Variants in CDH18 observed in about 807,000 individuals in gnomAD.
CDH18 encodes cadherin 18, also known as cadherin-18.
A neutral mutation model predicts 67.9 loss-of-function variants in CDH18; 31 were observed. The observed-to-expected ratio is 0.46, with a 90% confidence interval of 0.34 to 0.62. The LOEUF (loss-of-function observed/expected upper bound fraction) is 0.62. CDH18 is among the 20% of genes least tolerant of loss of function. CDH18 has a pLI of 0.01. For missense variants in CDH18, 890 were observed against 975.5 expected, an observed-to-expected ratio of 0.91 and a Z score of 1.17; for synonymous variants, 362 against 347.2, an observed-to-expected ratio of 1.04 and a Z score of -0.48.
intron 7 of CDH18, among the ~76,000 whole-genome samples, chr5:19,572,665 G>T (rs72737472): frequency 6.6e-6 from 1 of 152,170 alleles, no homozygotes; most frequent in Non-Finnish European, 1.5e-5. Context: ...TCTCTCCCTT[G>T]TCTCTTCTTA....
chr5:19,621,929 C>T (rs373135354), intron 5 of CDH18, among the ~76,000 whole-genome samples: 13 of 152,208 alleles, frequency 8.5e-5, no homozygotes, highest in African/African-American at 2.7e-4. Flanking sequence ...TCACATCCTT[C>T]TGCTTTCCAG....
intron 1 of CDH18, among the ~76,000 whole-genome samples, chr5:20,353,911 AT>A (rs1462115117): frequency 1.3e-5 from 2 of 152,162 alleles, no homozygotes; most frequent in East Asian, 3.9e-4. Context: ...CTTGCCCACC[AT>A]GATTAGAACT....
At chr5:19,784,220 A>G (rs1775451889) in intron 3 of CDH18, among the ~76,000 whole-genome samples, 1 of 152,172 alleles carries the variant, frequency 6.6e-6, no homozygotes, top group South Asian at 2.1e-4. Flanking sequence ...AAGAAGAGGG[A>G]AAAATTCAAA....
chr5:19,537,340 A>T (rs897910709), intron 9 of CDH18, among the ~76,000 whole-genome samples: 3 of 152,036 alleles, frequency 2.0e-5, no homozygotes, highest in African/African-American at 7.2e-5. Context: ...ATGTGAGCCA[A>T]TTTTTTATAA....
chr5:20,084,988 T>C (rs776484210), intron 2 of CDH18, among the ~76,000 whole-genome samples: 29 of 152,322 alleles, frequency 1.9e-4, no homozygotes, highest in Admixed American at 1.9e-3. Context: ...TTAATGTTTG[T>C]CTCCTCATTA....
At chr5:19,978,204 A>G (rs28668352) in intron 2 of CDH18, among the ~76,000 whole-genome samples, 5,198 of 152,252 alleles carry the variant, frequency 0.034, 298 homozygotes, top group African/African-American at 0.12. Context: ...CTAATAATAT[A>G]TAATTACTAG....
At chr5:19,669,670 A>G (rs1011447606) in intron 5 of CDH18, among the ~76,000 whole-genome samples, 2 of 152,170 alleles carry the variant, frequency 1.3e-5, no homozygotes, top group African/African-American at 4.8e-5. Flanking sequence ...TATCTCATTA[A>G]TAGATCTATC....
intron 5 of CDH18, among the ~76,000 whole-genome samples, chr5:19,646,170 G>T (rs1754708861): frequency 6.6e-6 from 1 of 152,012 alleles, no homozygotes; most frequent in South Asian, 2.1e-4. Flanking sequence ...AGTGAGGAGA[G>T]AAATAAAAAT....
intron 2 of CDH18, among the ~76,000 whole-genome samples, chr5:20,118,084 G>A (rs1223327789): frequency 6.6e-6 from 1 of 152,030 alleles, no homozygotes; most frequent in Non-Finnish European, 1.5e-5. Context: ...AACTTCTTAG[G>A]AAGAATTATA....
chr5:20,528,861 A>G (rs897179176), intron 1 of CDH18, among the ~76,000 whole-genome samples: 10 of 152,090 alleles, frequency 6.6e-5, no homozygotes, highest in African/African-American at 2.4e-4. Flanking sequence ...AACAAACCCC[A>G]GAGTTAGCAG....
At chr5:20,170,415 C>T (rs149954200) in intron 2 of CDH18, among the ~76,000 whole-genome samples, 1,684 of 152,012 alleles carry the variant, frequency 0.011, 36 homozygotes, top group African/African-American at 0.037. Flanking sequence ...TTTTCTTTAT[C>T]CAGATATATT....
chr5:20,494,333 A>G (rs995152210), intron 1 of CDH18, among the ~76,000 whole-genome samples: 3 of 152,146 alleles, frequency 2.0e-5, no homozygotes, highest in African/African-American at 7.2e-5. Context: ...GAGGGATAAG[A>G]GAAGAAGCAG....
intron 1 of CDH18, among the ~76,000 whole-genome samples, chr5:20,411,565 T>C (rs968614634): frequency 2.0e-5 from 3 of 150,932 alleles, no homozygotes; most frequent in African/African-American, 4.9e-5. Flanking sequence ...GCATAACACA[T>C]AACAAAGGTA....
intron 1 of CDH18, among the ~76,000 whole-genome samples, chr5:20,457,489 C>T (rs942285311): frequency 1.3e-5 from 2 of 152,106 alleles, no homozygotes; most frequent in Non-Finnish European, 1.5e-5. Flanking sequence ...AACTAAGTAA[C>T]CCACCTAGAG....
intron 5 of CDH18, among the ~76,000 whole-genome samples, chr5:19,620,677 G>A (rs1014515013): frequency 6.6e-6 from 1 of 152,080 alleles, no homozygotes; most frequent in Admixed American, 6.6e-5. Context: ...CACTAAAGAT[G>A]TTTCAAACTT....
At chr5:19,502,043 G>A (rs1448284962) in intron 11 of CDH18, among the ~76,000 whole-genome samples, 7 of 152,102 alleles carry the variant, frequency 4.6e-5, no homozygotes, top group South Asian at 4.1e-4. Flanking sequence ...GGCTTTGTGC[G>A]CATTTTGATA....
At chr5:20,086,290 A>T (rs1580205724) in intron 2 of CDH18, among the ~76,000 whole-genome samples, 2 of 152,226 alleles carry the variant, frequency 1.3e-5, no homozygotes, top group East Asian at 3.8e-4. Context: ...GTTAGAAATC[A>T]TTGGTTCATG....
chr5:20,092,309 C>G (rs77225109), intron 2 of CDH18, among the ~76,000 whole-genome samples: 2,293 of 152,100 alleles, frequency 0.015, 23 homozygotes, highest in Middle Eastern at 0.027. Context: ...ATTCTGTTTC[C>G]CATGGTGTTT....
intron 3 of CDH18, among the ~76,000 whole-genome samples, chr5:19,789,394 T>G (rs1776135076): frequency 6.6e-6 from 1 of 152,182 alleles, no homozygotes; most frequent in Non-Finnish European, 1.5e-5. Flanking sequence ...CAACAAATGT[T>G]AGACTAGAAG....
Sources: gnomAD v4.1 joint callset for allele counts (sites outside exome capture counted in the v4.1 genomes callset) on GRCh38, gnomAD v4.1.1 for gene constraint, MANE v1.5 for transcripts, NCBI Gene and HGNC (gene_info 2026-07-23, HGNC 2026-07-21) for gene names.